The following KCNIP1 variants were observed in gnomAD, a reference collection of about 807,000 sequenced individuals.
The protein encoded by KCNIP1 is A-type potassium channel modulatory protein KCNIP1.
In KCNIP1, 18 loss-of-function variants were observed where a neutral mutation model predicts 33.0. That is an observed-to-expected ratio of 0.55 (90% CI 0.38 to 0.81). The LOEUF (loss-of-function observed/expected upper bound fraction) is 0.81, where lower values mean the gene tolerates loss of function less well. Among genes scored for constraint, KCNIP1 ranks in the 30% least tolerant of loss-of-function variants. The pLI, the probability that KCNIP1 is intolerant of heterozygous loss-of-function variation, is 0.00. For missense variants in KCNIP1, 238 were observed against 271.6 expected, an observed-to-expected ratio of 0.88 and a Z score of 0.87; for synonymous variants, 93 against 98.3, an observed-to-expected ratio of 0.95 and a Z score of 0.32.
rs139878685 is a variant in KCNIP1, at chr5:170,357,153, A to G, written c.88+3189A>G. The stretch of plus-strand genomic sequence containing the variant: ...GCATTAAAAAAAAAAAAAATTTCAA[A>G]CCACGAATGCAGTGAGGAGCACAGT... On this transcript the variant is annotated intron_variant, in intron 1 of 7. Transcript: ENST00000377360. 6.5e-3 allele frequency among the ~76,000 whole-genome samples: 996 copies of G among 152,238 alleles called. 20 individuals carry two copies. Among genetic ancestry groups the G allele is most frequent in the African/African-American group, 0.023 (948 of 41,522 alleles).
chr5:170,551,638 A>G (rs1561682424), intron 1 of KCNIP1, among the ~76,000 whole-genome samples: 1 of 149,840 alleles, frequency 6.7e-6, no homozygotes, highest in Non-Finnish European at 1.5e-5. Context: ...GTGTGTGTGC[A>G]TGTGTGTGTG....
chr5:170,549,755 G>A (rs901762275), intron 1 of KCNIP1, among the ~76,000 whole-genome samples: 3 of 152,174 alleles, frequency 2.0e-5, no homozygotes, highest in Non-Finnish European at 4.4e-5. Flanking sequence ...AAGAAATCCT[G>A]CAATAAAGAA....
chr5:170,410,448 G>C (rs1033138581), intron 1 of KCNIP1, among the ~76,000 whole-genome samples: 1 of 152,232 alleles, frequency 6.6e-6, no homozygotes, highest in South Asian at 2.1e-4. Context: ...CGCAGACATA[G>C]TGCAGGGGCA....
chr5:170,648,568 A>G (rs1376139299), intron 1 of KCNIP1, among the ~76,000 whole-genome samples: 1 of 152,182 alleles, frequency 6.6e-6, no homozygotes. Context: ...AAGCAAAACT[A>G]TGGGGACAGT....
chr5:170,383,708 T>A (rs763985058), intron 1 of KCNIP1: 1 of 1,614,156 alleles, frequency 6.2e-7, no homozygotes, highest in Admixed American at 1.7e-5. Flanking sequence ...GTGTCCTCCG[T>A]GTGGTACAGC....
At chr5:170,385,267 C>A (rs775486229) in intron 1 of KCNIP1, 4 of 1,610,694 alleles carry the variant, frequency 2.5e-6, no homozygotes, top group Non-Finnish European at 3.4e-6. Flanking sequence ...AGATGCCAGA[C>A]CCTTAGGAGA....
At chr5:170,424,925 A>C (rs1755578799) in intron 1 of KCNIP1, among the ~76,000 whole-genome samples, 1 of 152,086 alleles carries the variant, frequency 6.6e-6, no homozygotes, top group African/African-American at 2.4e-5. Context: ...TCTGGTCTTC[A>C]GACACAATAA....
chr5:170,692,562 C>T (rs1762755458), intron 1 of KCNIP1, among the ~76,000 whole-genome samples: 1 of 152,212 alleles, frequency 6.6e-6, no homozygotes, highest in African/African-American at 2.4e-5. Flanking sequence ...AGTTCATGCA[C>T]TTACTCCCTG....
intron 1 of KCNIP1, among the ~76,000 whole-genome samples, chr5:170,531,015 C>A (rs894554010): frequency 5.9e-5 from 9 of 152,170 alleles, no homozygotes; most frequent in Non-Finnish European, 1.2e-4. Flanking sequence ...TGCCAAATAT[C>A]TTCTAATAAA....
intron 1 of KCNIP1, among the ~76,000 whole-genome samples, chr5:170,525,273 C>A (rs1387884861): frequency 3.3e-5 from 5 of 152,222 alleles, no homozygotes; most frequent in Admixed American, 1.3e-4. Context: ...CACCCCTACT[C>A]CCGCACTTAG....
At chr5:170,697,895 A>G (rs745475557) in intron 1 of KCNIP1, among the ~76,000 whole-genome samples, 27 of 152,082 alleles carry the variant, frequency 1.8e-4, no homozygotes, top group Admixed American at 9.2e-4. Flanking sequence ...TGCAATATTA[A>G]ATTGTGTGAC....
chr5:170,566,975 G>A (rs1281629011), intron 1 of KCNIP1, among the ~76,000 whole-genome samples: 1 of 152,026 alleles, frequency 6.6e-6, no homozygotes, highest in Admixed American at 6.5e-5. Flanking sequence ...GCTTCAGAAG[G>A]GCAGGGGTCT....
chr5:170,532,634 T>C (rs1260807335), intron 1 of KCNIP1, among the ~76,000 whole-genome samples: 10 of 152,194 alleles, frequency 6.6e-5, no homozygotes, highest in Non-Finnish European at 1.5e-4. Flanking sequence ...CATTGGCCTG[T>C]ACATATCTTG....
At chr5:170,583,992 A>G (rs1757893626) in intron 1 of KCNIP1, among the ~76,000 whole-genome samples, 2 of 152,204 alleles carry the variant, frequency 1.3e-5, no homozygotes, top group African/African-American at 4.8e-5. Flanking sequence ...CATTGGCCTC[A>G]CTGAGGTAAT....
At chr5:170,518,457 G>C (rs1260009405) in intron 1 of KCNIP1, among the ~76,000 whole-genome samples, 1 of 152,156 alleles carries the variant, frequency 6.6e-6, no homozygotes, top group Non-Finnish European at 1.5e-5. Context: ...TTGCATTCCA[G>C]CACGTGGCAC....
At chr5:170,501,263 C>T (rs913593656), upstream of KCNIP1, among the ~76,000 whole-genome samples, 1 of 152,052 alleles carries the variant, frequency 6.6e-6, no homozygotes, top group South Asian at 2.1e-4. Flanking sequence ...CAGCAGGTGG[C>T]CAGAAGGAGA....
intron 1 of KCNIP1, among the ~76,000 whole-genome samples, chr5:170,589,794 T>TGCGATGCG (rs1554103000): frequency 3.5e-5 from 4 of 113,164 alleles, no homozygotes; most frequent in African/African-American, 1.2e-4. Flanking sequence ...TGTGATGTGG[T>TGCGATGCG]GTGCGGTGCG....
intron 1 of KCNIP1, among the ~76,000 whole-genome samples, chr5:170,568,295 G>A (rs2113476781): frequency 6.6e-6 from 1 of 152,272 alleles, no homozygotes; most frequent in East Asian, 1.9e-4. Context: ...CCCAGACACT[G>A]TGCTGAACAC....
intron 1 of KCNIP1, among the ~76,000 whole-genome samples, chr5:170,397,342 C>A (rs1490775043): frequency 6.6e-6 from 1 of 152,148 alleles, no homozygotes; most frequent in East Asian, 1.9e-4. Flanking sequence ...TTGCTGCAGT[C>A]CCCAGTGATC....
Sources: gnomAD v4.1 joint callset for allele counts (sites outside exome capture counted in the v4.1 genomes callset) on GRCh38, gnomAD v4.1.1 for gene constraint, MANE v1.5 for transcripts, NCBI Gene and HGNC (gene_info 2026-07-23, HGNC 2026-07-21) for gene names.